NDST4: variants seen among roughly 807,000 people sequenced by gnomAD.
The protein encoded by NDST4 is N-heparan sulfate sulfotransferase 4.
In NDST4, 63 loss-of-function variants were observed where a neutral mutation model predicts 100.8. The observed-to-expected ratio is 0.62, with a 90% confidence interval of 0.51 to 0.77. The LOEUF (loss-of-function observed/expected upper bound fraction) is 0.77, where lower values mean the gene tolerates loss of function less well. NDST4 is among the 30% of genes least tolerant of loss of function. NDST4 has a pLI of 0.00. For synonymous variants in NDST4, 377 were observed against 361.8 expected (o/e 1.04, Z -0.48); for missense variants, 943 against 1,018.4 (o/e 0.93, Z 1.01).
intron 2 of NDST4, among the ~76,000 whole-genome samples, chr4:115,056,543 A>G (rs1006759461): frequency 1.3e-5 from 2 of 152,120 alleles, no homozygotes; most frequent in Non-Finnish European, 2.9e-5. Context: ...TTCATAAAGC[A>G]TTGTGAAAGG....
intron 4 of NDST4, among the ~76,000 whole-genome samples, chr4:114,969,645 C>G (rs1726464700): frequency 6.6e-6 from 1 of 152,144 alleles, no homozygotes; most frequent in Admixed American, 6.5e-5. Context: ...AGGACATAAT[C>G]TCATTCTTTT....
At chr4:114,895,274 T>G (rs960199259) in intron 6 of NDST4, among the ~76,000 whole-genome samples, 3 of 151,640 alleles carry the variant, frequency 2.0e-5, no homozygotes, top group Admixed American at 2.0e-4. Context: ...AAGAATCAAA[T>G]AGACACAATT....
intron 2 of NDST4, among the ~76,000 whole-genome samples, chr4:115,033,540 ATAATT>A (rs2126270974): frequency 6.6e-6 from 1 of 152,074 alleles, no homozygotes; most frequent in Non-Finnish European, 1.5e-5. Flanking sequence ...TGATCTATCT[ATAATT>A]TATTTGATTA....
intron 2 of NDST4, among the ~76,000 whole-genome samples, chr4:114,990,359 A>T (rs2126251381): frequency 6.6e-6 from 1 of 152,262 alleles, no homozygotes; most frequent in Admixed American, 6.5e-5. Flanking sequence ...TATTATAAAA[A>T]TTCACAAAGT....
At chr4:114,926,716 G>A (rs1205958297) in intron 6 of NDST4, among the ~76,000 whole-genome samples, 3 of 152,042 alleles carry the variant, frequency 2.0e-5, no homozygotes, top group Non-Finnish European at 4.4e-5. Flanking sequence ...TGTGGCATTT[G>A]CCTTTTTGAC....
intron 2 of NDST4, among the ~76,000 whole-genome samples, chr4:115,065,983 C>T (rs1308856854): frequency 6.6e-6 from 1 of 152,174 alleles, no homozygotes; most frequent in Non-Finnish European, 1.5e-5. Flanking sequence ...CCAGTGATCG[C>T]AGAAGACTCA....
intron 6 of NDST4, among the ~76,000 whole-genome samples, chr4:114,904,791 T>C (rs987946868): frequency 7.9e-5 from 12 of 151,912 alleles, no homozygotes; most frequent in South Asian, 4.1e-4. Flanking sequence ...GCATGTCATA[T>C]CTATATTCTC....
intron 6 of NDST4, among the ~76,000 whole-genome samples, chr4:114,890,362 T>A (rs949001915): frequency 6.6e-6 from 1 of 152,064 alleles, no homozygotes; most frequent in Non-Finnish European, 1.5e-5. Flanking sequence ...TTTAAATAAA[T>A]AATAACAGGT....
chr4:114,912,757 TATC>T (rs1425861781), intron 6 of NDST4, among the ~76,000 whole-genome samples: 2 of 152,122 alleles, frequency 1.3e-5, no homozygotes, highest in Admixed American at 6.6e-5. Context: ...GGGCAAGAAT[TATC>T]ATGTCTGCTT....
At chr4:114,914,399 T>C (rs1473915016) in intron 6 of NDST4, among the ~76,000 whole-genome samples, 1 of 152,152 alleles carries the variant, frequency 6.6e-6, no homozygotes. Flanking sequence ...TTTTATGCAT[T>C]GCATCCCTGA....
intron 2 of NDST4, among the ~76,000 whole-genome samples, chr4:115,022,734 A>G (rs1458073560): frequency 6.6e-6 from 1 of 152,076 alleles, no homozygotes. Flanking sequence ...AGGTGATTGA[A>G]TTATGAGGGC....
At chr4:114,871,015 G>A in intron 6 of NDST4, 65 bp from the exon 7 acceptor site, 2 of 1,216,222 alleles carry the variant, frequency 1.6e-6, no homozygotes, top group Non-Finnish European at 2.3e-6. Context: ...AGCAGTACAA[G>A]CCCCAGGCAG....
chr4:115,099,572 T>C (rs1356590777), intron 1 of NDST4, among the ~76,000 whole-genome samples: 1 of 152,050 alleles, frequency 6.6e-6, no homozygotes, highest in African/African-American at 2.4e-5. Context: ...ATGGTACACA[T>C]CATATGGTAC....
intron 9 of NDST4, 121 bp downstream of exon 9, chr4:114,848,094 T>C (rs1418314847): frequency 1.3e-6 from 1 of 797,404 alleles, no homozygotes; most frequent in South Asian, 2.2e-5. Flanking sequence ...TAAATTAATT[T>C]CTAATTCACT....
intron 7 of NDST4, among the ~76,000 whole-genome samples, chr4:114,856,754 G>T (rs1723804692): frequency 6.6e-6 from 1 of 152,182 alleles, no homozygotes; most frequent in South Asian, 2.1e-4. Context: ...TGACAAATAA[G>T]TGGAAATTAC....
At chr4:115,006,042 A>C (rs1229479646) in intron 2 of NDST4, among the ~76,000 whole-genome samples, 6 of 151,284 alleles carry the variant, frequency 4.0e-5, no homozygotes, top group African/African-American at 1.5e-4. Context: ...AAAAAAAAAA[A>C]AAAAAAAGAA....
chr4:114,968,003 T>C (rs1230711661), intron 4 of NDST4, among the ~76,000 whole-genome samples: 1 of 152,158 alleles, frequency 6.6e-6, no homozygotes, highest in Non-Finnish European at 1.5e-5. Context: ...ATCTAAGTCA[T>C]TTGTTCAAGG....
chr4:114,959,352 A>T (rs1271657395), intron 4 of NDST4, among the ~76,000 whole-genome samples: 2 of 151,404 alleles, frequency 1.3e-5, no homozygotes, highest in African/African-American at 4.9e-5. Flanking sequence ...GCTCATTTTC[A>T]TACTGCTATG....
At chr4:114,987,179 T>C (rs1026694798) in intron 2 of NDST4, among the ~76,000 whole-genome samples, 5 of 152,086 alleles carry the variant, frequency 3.3e-5, no homozygotes, top group Admixed American at 1.3e-4. Context: ...AACATACATA[T>C]ACATATACGA....
Sources: gnomAD v4.1 joint callset for allele counts (sites outside exome capture counted in the v4.1 genomes callset) on GRCh38, gnomAD v4.1.1 for gene constraint, MANE v1.5 for transcripts, NCBI Gene and HGNC (gene_info 2026-07-23, HGNC 2026-07-21) for gene names.